The following LINGO2 variants were observed in gnomAD, a reference collection of about 807,000 sequenced individuals.
LINGO2 encodes leucine-rich repeat and immunoglobulin-like domain-containing nogo receptor-interacting protein 2.
LINGO2 carries 14 observed loss-of-function variants against 30.6 expected under a neutral mutation model. The observed-to-expected ratio is 0.46, with a 90% CI of 0.30 to 0.72. The LOEUF is 0.72. Among genes scored for constraint, LINGO2 ranks in the 30% least tolerant of loss-of-function variants. LINGO2 has a pLI of 0.07. For synonymous variants in LINGO2, 317 were observed against 288.5 expected (o/e 1.10, Z -1.00); for missense variants, 729 against 751.7 (o/e 0.97, Z 0.35).
At chr9:28,094,396 G>A (rs1453219062) in intron 4 of LINGO2, among the ~76,000 whole-genome samples, 2 of 152,000 alleles carry the variant, frequency 1.3e-5, no homozygotes, top group African/African-American at 4.8e-5. Flanking sequence ...GTCCCAAAAT[G>A]ACTTCGGTGT....
chr9:28,089,749 C>T (rs1826020767), intron 4 of LINGO2, among the ~76,000 whole-genome samples: 2 of 151,994 alleles, frequency 1.3e-5, no homozygotes, highest in Non-Finnish European at 1.5e-5. Flanking sequence ...ACACAAAAAG[C>T]CCTTCAAAAA....
chr9:28,431,171 G>C (rs1379674415), intron 2 of LINGO2, among the ~76,000 whole-genome samples: 2 of 151,894 alleles, frequency 1.3e-5, no homozygotes, highest in African/African-American at 4.8e-5. Context: ...AGTAAGTCTG[G>C]CCACATTCAA....
the LINGO2 span, among the ~76,000 whole-genome samples, chr9:28,859,263 G>A: frequency 6.6e-6 from 1 of 152,044 alleles, no homozygotes; most frequent in Non-Finnish European, 1.5e-5. Context: ...GGAACAGGCT[G>A]TAAAAGTACA....
chr9:28,595,948 T>C (rs1413684782), intron 1 of LINGO2, among the ~76,000 whole-genome samples: 1 of 152,182 alleles, frequency 6.6e-6, no homozygotes, highest in African/African-American at 2.4e-5. Context: ...CACATTGCTT[T>C]TTTAAAAACG....
intron 1 of LINGO2, among the ~76,000 whole-genome samples, chr9:28,542,539 G>A (rs1373732197): frequency 1.3e-5 from 2 of 151,846 alleles, no homozygotes; most frequent in Non-Finnish European, 2.9e-5. Context: ...AACTCAAACT[G>A]GTAGTATAGT....
intron 4 of LINGO2, among the ~76,000 whole-genome samples, chr9:28,154,178 T>C (rs1828071877): frequency 6.6e-6 from 1 of 152,128 alleles, no homozygotes; most frequent in South Asian, 2.1e-4. Context: ...AGGAAGTGGG[T>C]TGGATGAGGG....
intron 2 of LINGO2, among the ~76,000 whole-genome samples, chr9:28,450,301 C>T (rs1824599881): frequency 6.6e-6 from 1 of 152,012 alleles, no homozygotes; most frequent in African/African-American, 2.4e-5. Flanking sequence ...TGCCTACTCA[C>T]AAACTTCCTA....
the LINGO2 span, among the ~76,000 whole-genome samples, chr9:28,796,762 A>G: frequency 6.6e-6 from 1 of 152,028 alleles, no homozygotes; most frequent in African/African-American, 2.4e-5. Context: ...CATTATAGAT[A>G]AAAGTATTCC....
chr9:28,359,989 G>A (rs1414491900), intron 3 of LINGO2, among the ~76,000 whole-genome samples: 1 of 152,076 alleles, frequency 6.6e-6, no homozygotes, highest in East Asian at 1.9e-4. Flanking sequence ...GTAGATTGAG[G>A]TTAATTACTT....
intron 1 of LINGO2, among the ~76,000 whole-genome samples, chr9:28,547,848 A>G (rs557990778): frequency 6.6e-6 from 1 of 152,246 alleles, no homozygotes; most frequent in South Asian, 2.1e-4. Flanking sequence ...CTTCATCTGT[A>G]TTGCCTTTGA....
chr9:28,975,283 G>A, the LINGO2 span, among the ~76,000 whole-genome samples: 1 of 152,076 alleles, frequency 6.6e-6, no homozygotes, highest in Non-Finnish European at 1.5e-5. Flanking sequence ...GAAAGACAAT[G>A]AACCTAATTA....
intron 2 of LINGO2, among the ~76,000 whole-genome samples, chr9:28,410,234 A>C (rs2134806472): frequency 6.6e-6 from 1 of 152,184 alleles, no homozygotes; most frequent in East Asian, 1.9e-4. Context: ...AGCCTTCTTA[A>C]AAATTTATTC....
the LINGO2 span, among the ~76,000 whole-genome samples, chr9:28,933,711 C>A: frequency 1.4e-4 from 21 of 152,126 alleles, no homozygotes; most frequent in African/African-American, 5.1e-4. Flanking sequence ...CAAATTTGCC[C>A]AAGGCCATTG....
At chr9:28,493,180 A>C (rs1052499575) in intron 1 of LINGO2, among the ~76,000 whole-genome samples, 17 of 152,176 alleles carry the variant, frequency 1.1e-4, no homozygotes, top group Non-Finnish European at 2.4e-4. Flanking sequence ...AAATGACCAA[A>C]GGAAGAAGGT....
chr9:28,132,036 G>C (rs968100119), intron 4 of LINGO2, among the ~76,000 whole-genome samples: 3 of 152,150 alleles, frequency 2.0e-5, no homozygotes, highest in African/African-American at 7.2e-5. Context: ...TAACTTCTCT[G>C]AACTTCCATC....
At chr9:28,967,103 A>T in the LINGO2 span, among the ~76,000 whole-genome samples, 1 of 152,078 alleles carries the variant, frequency 6.6e-6, no homozygotes, top group South Asian at 2.1e-4. Flanking sequence ...CTGTATCTCT[A>T]ATGCCAACTG....
Position 28,038,692 on chromosome 9 carries a change from CAAAA to C in LINGO2, c.-86-26291_-86-26288del, listed in dbSNP as rs35216202. Among the ~76,000 whole-genome samples, 1,927 of 118,870 alleles carry C rather than the reference CAAAA, an allele frequency of 0.016. 179 individuals carry two copies. In the East Asian group the frequency reaches 0.29, roughly 18 times the overall value. The allele number at this position is 118,870 out of a possible 152,430, so 78.0% of individuals were successfully genotyped here. On this transcript the variant is annotated intron_variant, in intron 4 of 5. Transcript: ENST00000379992. The stretch of plus-strand genomic sequence containing the variant: ...TGGGCGACAGAGCGAGACTCCGTCT[CAAAA>C]AAAAAAAAAAAAGCCTTGCTTATAA...
chr9:28,157,143 G>A (rs1289231421), intron 4 of LINGO2, among the ~76,000 whole-genome samples: 2 of 152,220 alleles, frequency 1.3e-5, no homozygotes, highest in African/African-American at 4.8e-5. Flanking sequence ...CCCTAGCAGA[G>A]GTTCTCCATG....
intron 1 of LINGO2, among the ~76,000 whole-genome samples, chr9:28,607,923 C>CTAGAA (rs1025391055): frequency 1.3e-5 from 2 of 151,940 alleles, no homozygotes; most frequent in African/African-American, 4.8e-5. Context: ...CTGGTGCTGC[C>CTAGAA]TAGAAATCTT....
Sources: gnomAD v4.1 joint callset for allele counts (sites outside exome capture counted in the v4.1 genomes callset) on GRCh38, gnomAD v4.1.1 for gene constraint, MANE v1.5 for transcripts, NCBI Gene and HGNC (gene_info 2026-07-23, HGNC 2026-07-21) for gene names.